PALLD: variants seen among roughly 807,000 people sequenced by gnomAD.
PALLD encodes palladin.
PALLD carries 61 observed loss-of-function variants against 123.5 expected under a neutral mutation model. The ratio of observed to expected loss-of-function variants is 0.49; its 90% CI spans 0.40 to 0.61. PALLD has a LOEUF of 0.61. Ranked by LOEUF, PALLD falls within the 20% of genes least tolerant of loss-of-function variation. The pLI, the probability that PALLD is intolerant of heterozygous loss-of-function variation, is 0.00. For missense variants in PALLD, 1,273 were observed against 1,377.0 expected (o/e 0.92, Z 1.20); for synonymous variants, 465 against 496.4 (o/e 0.94, Z 0.84).
At chr4:168,748,748 G>C (rs76699013) in intron 10 of PALLD, among the ~76,000 whole-genome samples, 4,598 of 152,206 alleles carry the variant, frequency 0.03, 206 homozygotes, top group African/African-American at 0.095. Flanking sequence ...ACCGGGCCTT[G>C]GTCTCTTATT....
chr4:168,805,931 C>T (rs367942747), intron 10 of PALLD, among the ~76,000 whole-genome samples: 2 of 152,288 alleles, frequency 1.3e-5, no homozygotes, highest in South Asian at 4.1e-4. Flanking sequence ...TGCGGTTTGG[C>T]CCTGTGTCCC....
At chr4:168,682,824 T>C (rs927181465) in intron 4 of PALLD, among the ~76,000 whole-genome samples, 174 bp from the exon 5 acceptor site, 2 of 151,992 alleles carry the variant, frequency 1.3e-5, no homozygotes, top group Non-Finnish European at 2.9e-5. Context: ...ATTCTAGCTG[T>C]AGGTTATGCA....
chr4:168,592,061 G>A (rs1297257405), intron 2 of PALLD, among the ~76,000 whole-genome samples: 5 of 144,990 alleles, frequency 3.4e-5, no homozygotes, highest in Non-Finnish European at 7.4e-5. Context: ...CTGTCACCCA[G>A]GCTGCAGTGC....
intron 10 of PALLD, among the ~76,000 whole-genome samples, chr4:168,873,789 T>A (rs918532931): frequency 6.6e-6 from 1 of 152,214 alleles, no homozygotes; most frequent in Non-Finnish European, 1.5e-5. Flanking sequence ...GTGAATTTTT[T>A]AAATGGGGAT....
At chr4:168,810,481 C>T (rs940281038) in intron 10 of PALLD, among the ~76,000 whole-genome samples, 4 of 151,988 alleles carry the variant, frequency 2.6e-5, no homozygotes, top group Admixed American at 1.3e-4. Flanking sequence ...ATGGTGAAAC[C>T]CCGTCTCTAC....
At chr4:168,556,078 G>A (rs929975866) in intron 2 of PALLD, among the ~76,000 whole-genome samples, 2 of 151,874 alleles carry the variant, frequency 1.3e-5, no homozygotes, top group Non-Finnish European at 2.9e-5. Flanking sequence ...GTCAGTGTTC[G>A]TAAATGGAGT....
chr4:168,759,240 T>G (rs1222739658), intron 10 of PALLD, among the ~76,000 whole-genome samples: 2 of 113,974 alleles, frequency 1.8e-5, no homozygotes, highest in African/African-American at 7.3e-5. Context: ...TATATATATA[T>G]ATATAGAAAC....
intron 2 of PALLD, among the ~76,000 whole-genome samples, chr4:168,634,652 A>G (rs1013244858): frequency 2.0e-5 from 3 of 152,210 alleles, no homozygotes; most frequent in African/African-American, 7.2e-5. Context: ...ACTCCAGCAC[A>G]TTCCATCGCC....
chr4:168,719,993 G>C (rs532149634), intron 10 of PALLD, among the ~76,000 whole-genome samples: 2 of 152,128 alleles, frequency 1.3e-5, no homozygotes, highest in African/African-American at 4.8e-5. Flanking sequence ...ATGGGCATTA[G>C]GTTGATTCCA....
intron 10 of PALLD, among the ~76,000 whole-genome samples, chr4:168,807,249 A>G (rs1740343507): frequency 6.6e-6 from 1 of 151,594 alleles, no homozygotes; most frequent in African/African-American, 2.4e-5. Flanking sequence ...TTGGGGGCCA[A>G]TAAAAAGCTA....
At chr4:168,546,651 G>A (rs530887306) in intron 2 of PALLD, among the ~76,000 whole-genome samples, 31 of 152,212 alleles carry the variant, frequency 2.0e-4, no homozygotes, top group African/African-American at 7.5e-4. Context: ...AAAAAAGTTG[G>A]TCCAGTATAA....
chr4:168,738,886 ATAGT>A (rs1788045749), intron 10 of PALLD, among the ~76,000 whole-genome samples: 1 of 152,134 alleles, frequency 6.6e-6, no homozygotes, highest in Non-Finnish European at 1.5e-5. Context: ...CTTGAAAAAA[ATAGT>A]TAATTATAAA....
chr4:168,891,847 C>G (rs541925485), intron 11 of PALLD, among the ~76,000 whole-genome samples: 1 of 152,090 alleles, frequency 6.6e-6, no homozygotes, highest in Non-Finnish European at 1.5e-5. Flanking sequence ...TACTTACACA[C>G]GCACACAAAT....
intron 2 of PALLD, among the ~76,000 whole-genome samples, chr4:168,613,617 T>G (rs1380637972): frequency 6.6e-6 from 1 of 152,166 alleles, no homozygotes; most frequent in Non-Finnish European, 1.5e-5. Context: ...AGGAAAGTAG[T>G]GGGGAGAAGA....
intron 10 of PALLD, among the ~76,000 whole-genome samples, chr4:168,804,612 A>T (rs543332804): frequency 6.6e-6 from 1 of 152,322 alleles, no homozygotes; most frequent in South Asian, 2.1e-4. Flanking sequence ...TGACAGTTAA[A>T]CAGTTGCAAA....
At chr4:168,743,743 C>G (rs1366538594) in intron 10 of PALLD, among the ~76,000 whole-genome samples, 1 of 152,138 alleles carries the variant, frequency 6.6e-6, no homozygotes, top group African/African-American at 2.4e-5. Flanking sequence ...TTGGTCAGGT[C>G]TGGCATGGAG....
chr4:168,510,846 C>A (rs1249190413), intron 1 of PALLD, among the ~76,000 whole-genome samples: 1 of 152,132 alleles, frequency 6.6e-6, no homozygotes, highest in Admixed American at 6.6e-5. Flanking sequence ...TGGCCCTTTC[C>A]AGAAAAGTTT....
At chr4:168,540,789 T>G (rs1765533616) in intron 2 of PALLD, among the ~76,000 whole-genome samples, 1 of 149,018 alleles carries the variant, frequency 6.7e-6, no homozygotes, top group Admixed American at 6.7e-5. Context: ...ATGAAAAGAG[T>G]TTTTAGCAGG....
intron 12 of PALLD, among the ~76,000 whole-genome samples, chr4:168,895,177 A>G (rs1403600721): frequency 6.6e-6 from 1 of 152,062 alleles, no homozygotes; most frequent in Non-Finnish European, 1.5e-5. Flanking sequence ...AGGTCAGGAG[A>G]TCGAGACCAT....
Sources: gnomAD v4.1 joint callset for allele counts (sites outside exome capture counted in the v4.1 genomes callset) on GRCh38, gnomAD v4.1.1 for gene constraint, MANE v1.5 for transcripts, NCBI Gene and HGNC (gene_info 2026-07-23, HGNC 2026-07-21) for gene names.